B3GALT1: variants seen among roughly 807,000 people sequenced by gnomAD.
B3GALT1 encodes beta-1,3-galactosyltransferase 1.
A neutral mutation model predicts 23.2 loss-of-function variants in B3GALT1; 10 were observed. That is an observed-to-expected ratio of 0.43 (90% CI 0.27 to 0.73). The LOEUF (loss-of-function observed/expected upper bound fraction) is 0.73, where lower values mean the gene tolerates loss of function less well. Among genes scored for constraint, B3GALT1 ranks in the 30% least tolerant of loss-of-function variants. B3GALT1 has a pLI of 0.21. For synonymous variants in B3GALT1, 156 were observed against 141.5 expected, an observed-to-expected ratio of 1.10 and a Z score of -0.73; for missense variants, 299 against 405.4, an observed-to-expected ratio of 0.74 and a Z score of 2.25.
At chr2:167,458,101 A>G (rs1488508914) in intron 1 of B3GALT1, among the ~76,000 whole-genome samples, 1 of 152,156 alleles carries the variant, frequency 6.6e-6, no homozygotes, top group East Asian at 1.9e-4. Flanking sequence ...ATTCTATACC[A>G]ATTAGACAAT....
chr2:167,841,023 T>G lies in B3GALT1; in HGVS notation c.-230+22230T>G, dbSNP rs1410915645. Among the ~76,000 whole-genome samples the G allele has an allele frequency of 6.2e-5, 6 of 96,536 alleles. No individual in the cohort carries two copies. In the East Asian group the frequency reaches 1.9e-3, roughly 30 times the overall value. The allele number at this position is 96,536 out of a possible 152,430, so 63.3% of individuals were successfully genotyped here. ...GGGAACATCATACCCTGGGGACTGT[T>G]GTGGGGTGGGGGGAGGGGGGAGGGA... is the stretch of plus-strand genomic sequence containing the variant. On this transcript the variant is annotated intron_variant, in intron 4 of 4. Coordinates refer to ENST00000392690, the MANE Select transcript of B3GALT1 (RefSeq NM_020981.4).
At chr2:167,859,243 T>C (rs1276834599) in intron 4 of B3GALT1, among the ~76,000 whole-genome samples, 3 of 152,116 alleles carry the variant, frequency 2.0e-5, no homozygotes, top group Non-Finnish European at 4.4e-5. Context: ...AAATGTGTCT[T>C]ATATAAGGCA....
At chr2:167,675,855 G>C (rs571488452) in intron 3 of B3GALT1, among the ~76,000 whole-genome samples, 1 of 151,240 alleles carries the variant, frequency 6.6e-6, no homozygotes, top group Non-Finnish European at 1.5e-5. Flanking sequence ...ATGCAGGATC[G>C]AGGAATATTC....
At chr2:167,728,470 G>A (rs1020577281) in intron 3 of B3GALT1, among the ~76,000 whole-genome samples, 1 of 152,158 alleles carries the variant, frequency 6.6e-6, no homozygotes, top group Non-Finnish European at 1.5e-5. Flanking sequence ...ACAAACAAGT[G>A]AAAATTAAAT....
rs551384212 is a variant in B3GALT1 at position 167,424,155 on chromosome 2, T to A, written c.-510-66022T>A. On this transcript the variant is annotated intron_variant, in intron 1 of 4. Transcript: ENST00000392690. ...CATGCTAAATTGTTTGCTTTGATGTTTTCATTCCAGTAGTACACATGCCAT... is the reference window on the plus strand; with the variant it reads ...CATGCTAAATTGTTTGCTTTGATGTATTCATTCCAGTAGTACACATGCCAT... 5.3e-5 allele frequency among the ~76,000 whole-genome samples: 8 copies of A among 152,278 alleles called. No homozygotes were observed. The South Asian group carries it at 1.2e-3, about 24-fold the overall frequency.
At chr2:167,824,661 AG>A (rs1199802269) in intron 4 of B3GALT1, among the ~76,000 whole-genome samples, 2 of 152,112 alleles carry the variant, frequency 1.3e-5, no homozygotes, top group African/African-American at 4.8e-5. Flanking sequence ...CCTAAGGAAG[AG>A]GAGTTGACAG....
intron 3 of B3GALT1, among the ~76,000 whole-genome samples, chr2:167,671,246 A>G (rs746101678): frequency 4.6e-5 from 7 of 152,176 alleles, no homozygotes; most frequent in Non-Finnish European, 8.8e-5. Flanking sequence ...GGAAAAATGT[A>G]TAGATCATCC....
intron 2 of B3GALT1, among the ~76,000 whole-genome samples, chr2:167,496,742 T>C (rs2105345767): frequency 6.6e-6 from 1 of 152,300 alleles, no homozygotes; most frequent in South Asian, 2.1e-4. Flanking sequence ...AATGAAGTCA[T>C]GAAGGTAGAA....
chr2:167,427,621 C>T (rs1027147977), intron 1 of B3GALT1, among the ~76,000 whole-genome samples: 4 of 152,156 alleles, frequency 2.6e-5, no homozygotes, highest in Admixed American at 6.5e-5. Flanking sequence ...ACTGCAGCCT[C>T]GAATCCCTGT....
chr2:167,457,568 T>C (rs564939862), intron 1 of B3GALT1, among the ~76,000 whole-genome samples: 3 of 152,016 alleles, frequency 2.0e-5, no homozygotes, highest in Non-Finnish European at 2.9e-5. Flanking sequence ...AGTTGACTCA[T>C]TATTGTACTG....
intron 3 of B3GALT1, among the ~76,000 whole-genome samples, chr2:167,740,527 G>A (rs1312864401): frequency 2.6e-5 from 4 of 151,896 alleles, no homozygotes; most frequent in Admixed American, 2.6e-4. Flanking sequence ...TATTGTTATA[G>A]GATGATAATA....
chr2:167,576,156 G>A (rs948879630), intron 2 of B3GALT1, among the ~76,000 whole-genome samples: 1 of 151,616 alleles, frequency 6.6e-6, no homozygotes, highest in Admixed American at 6.6e-5. Context: ...GTTGTCCATA[G>A]GCCTCTTTAT....
intron 3 of B3GALT1, among the ~76,000 whole-genome samples, chr2:167,664,108 G>C (rs915462085): frequency 4.0e-5 from 6 of 150,828 alleles, no homozygotes. Flanking sequence ...TAACGTTTAA[G>C]TCTTTAATCC....
At chr2:167,756,326 A>G (rs1687818338) in intron 3 of B3GALT1, among the ~76,000 whole-genome samples, 1 of 152,196 alleles carries the variant, frequency 6.6e-6, no homozygotes, top group Non-Finnish European at 1.5e-5. Context: ...GGGGTTGGGT[A>G]GAGCCAAAGG....
At chr2:167,514,671 C>G (rs1700075938) in intron 2 of B3GALT1, among the ~76,000 whole-genome samples, 1 of 152,224 alleles carries the variant, frequency 6.6e-6, no homozygotes, top group East Asian at 1.9e-4. Context: ...TGTTTGTCAT[C>G]AAATAAACTG....
chr2:167,444,175 A>C (rs1157340653), intron 1 of B3GALT1, among the ~76,000 whole-genome samples: 6 of 152,124 alleles, frequency 3.9e-5, no homozygotes, highest in African/African-American at 1.4e-4. Context: ...ACGTTTATTG[A>C]TTTGCATATT....
At chr2:167,671,480 T>A in intron 3 of B3GALT1, among the ~76,000 whole-genome samples, 1 of 152,042 alleles carries the variant, frequency 6.6e-6, no homozygotes, top group Non-Finnish European at 1.5e-5. Context: ...ACCACAATGG[T>A]ATAAAAAGAC....
intron 4 of B3GALT1, among the ~76,000 whole-genome samples, chr2:167,864,883 G>T (rs1208955583): frequency 6.6e-6 from 1 of 151,980 alleles, no homozygotes; most frequent in African/African-American, 2.4e-5. Flanking sequence ...CTTCCTACAG[G>T]CCTTTTAAAA....
chr2:167,578,653 A>AATAAGG (rs1684426448), intron 2 of B3GALT1, among the ~76,000 whole-genome samples: 1 of 151,882 alleles, frequency 6.6e-6, no homozygotes, highest in African/African-American at 2.4e-5. Context: ...TTCTAATAAG[A>AATAAGG]TGTTCTAATA....
Sources: gnomAD v4.1 joint callset for allele counts (sites outside exome capture counted in the v4.1 genomes callset) on GRCh38, gnomAD v4.1.1 for gene constraint, MANE v1.5 for transcripts, NCBI Gene and HGNC (gene_info 2026-07-23, HGNC 2026-07-21) for gene names.